The following TCP11L1 variants were observed in gnomAD, a reference collection of about 807,000 sequenced individuals.
TCP11L1 encodes the protein T-complex protein 11-like protein 1.
In TCP11L1, 28 loss-of-function variants were observed where a neutral mutation model predicts 48.9. The ratio of observed to expected loss-of-function variants is 0.57; its 90% CI spans 0.42 to 0.78. The LOEUF (loss-of-function observed/expected upper bound fraction) is 0.78, where lower values mean the gene tolerates loss of function less well. TCP11L1 is among the 30% of genes least tolerant of loss of function. The pLI, the probability that TCP11L1 is intolerant of heterozygous loss-of-function variation, is 0.00. For missense variants in TCP11L1, 505 were observed against 613.4 expected (o/e 0.82, Z 1.87); for synonymous variants, 204 against 231.9 (o/e 0.88, Z 1.09).
intron 3 of TCP11L1, among the ~76,000 whole-genome samples, chr11:33,055,871 A>G (rs748111950): frequency 2.0e-5 from 3 of 152,134 alleles, no homozygotes; most frequent in East Asian, 3.8e-4. Flanking sequence ...AAGCTGGAGT[A>G]CAGTGGCATG....
intron 2 of TCP11L1, among the ~76,000 whole-genome samples, chr11:33,051,352 A>G (rs1854154471): frequency 6.6e-6 from 1 of 151,890 alleles, no homozygotes; most frequent in African/African-American, 2.4e-5. Flanking sequence ...TATTTTTAGT[A>G]GAGATGGGGT....
chr11:33,050,004 G>A (rs1005845215), intron 2 of TCP11L1, among the ~76,000 whole-genome samples: 1 of 152,172 alleles, frequency 6.6e-6, no homozygotes, highest in Non-Finnish European at 1.5e-5. Flanking sequence ...AGTGTATTGT[G>A]TCCCTGGGTA....
At position 33,072,479 on chromosome 11, in the gene TCP11L1, C is replaced by T; in HGVS notation, c.1333C>T (p.Arg445Ter). The T allele has an allele frequency of 2.5e-6, 4 of 1,614,094 alleles. No homozygotes were observed. Among genetic ancestry groups the T allele is most frequent in the East Asian group, 2.2e-5 (1 of 44,868 alleles). Residue 445 changes from arginine (R) to a stop codon, truncating the protein, a stop_gained, in exon 10 of 10, where the codon CGA (arginine) becomes TGA (stop). Transcript: ENST00000334274. LOFTEE classifies it high-confidence loss of function. ...CACTTTCTTTTTTGTCACAGAATCT[C>T]GAATCCTGACCTTCTTAGAAACCTA... ...DDPIRRIMES[R>*]ILTFLETYLA...
intron 2 of TCP11L1, among the ~76,000 whole-genome samples, chr11:33,044,301 T>C (rs1564973307): frequency 6.7e-6 from 1 of 149,536 alleles, no homozygotes; most frequent in East Asian, 2.1e-4. Context: ...TTGTGCAGGT[T>C]AAAAAAAAAT....
At position 33,054,676 on chromosome 11, in the gene TCP11L1, G is replaced by A. The variant is rs766657151; in HGVS notation, c.247G>A (p.Val83Ile). Residue 83 changes from valine to isoleucine, a missense_variant, in exon 3 of 10, where the codon GTA becomes ATA. Val to Ile is a conservative substitution (Grantham distance 29). Transcript: ENST00000334274. ...VTNMALAHEI[V>I]VNGDFQIKPV... ...CAACATGGCTCTAGCCCATGAAATT[G>A]TAGTAAATGGAGACTTTCAGATTAA... 2.5e-6 allele frequency: 4 copies of A among 1,613,764 alleles called. No individual in the cohort carries two copies. The highest frequency in any genetic ancestry group is 1.7e-5 in the Admixed American group (1 of 59,922).
At chr11:33,066,237 G>T (rs1433684681) in intron 8 of TCP11L1, among the ~76,000 whole-genome samples, 1 of 152,214 alleles carries the variant, frequency 6.6e-6, no homozygotes, top group Admixed American at 6.5e-5. Context: ...AGAGCTCTAG[G>T]ATAGTGGCTT....
At chr11:33,043,453 C>T (rs1232423428) in intron 1 of TCP11L1, among the ~76,000 whole-genome samples, 4 of 152,184 alleles carry the variant, frequency 2.6e-5, no homozygotes, top group African/African-American at 9.7e-5. Context: ...AGTGTGTCTT[C>T]TAATAGTTTA....
At chr11:33,066,535 G>A (rs959966908) in intron 8 of TCP11L1, among the ~76,000 whole-genome samples, 4 of 152,012 alleles carry the variant, frequency 2.6e-5, no homozygotes, top group East Asian at 3.9e-4. Flanking sequence ...TGGAGATCCC[G>A]GGCTTAGAGG....
At chr11:33,071,694 G>A (rs1271389137) in intron 9 of TCP11L1, among the ~76,000 whole-genome samples, 1 of 152,174 alleles carries the variant, frequency 6.6e-6, no homozygotes, top group African/African-American at 2.4e-5. Context: ...TAGGAAAAAA[G>A]TCTTTTTTGA....
intron 2 of TCP11L1, among the ~76,000 whole-genome samples, chr11:33,052,202 G>A (rs1441294527): frequency 6.6e-6 from 1 of 152,042 alleles, no homozygotes; most frequent in Non-Finnish European, 1.5e-5. Context: ...GAGATTACCT[G>A]TATAACAAAC....
intron 2 of TCP11L1, among the ~76,000 whole-genome samples, chr11:33,050,210 A>G (rs976023004): frequency 6.6e-6 from 1 of 152,234 alleles, no homozygotes; most frequent in African/African-American, 2.4e-5. Context: ...TTCTTAGTAC[A>G]GAACAAAATG....
intron 9 of TCP11L1, among the ~76,000 whole-genome samples, 189 bp from the exon 10 acceptor site, chr11:33,072,285 A>G (rs1781651575): frequency 6.6e-6 from 1 of 152,172 alleles, no homozygotes; most frequent in South Asian, 2.1e-4. Flanking sequence ...CTAACCATCT[A>G]GAGGGGAGAG....
intron 2 of TCP11L1, among the ~76,000 whole-genome samples, chr11:33,046,391 A>G (rs1286579195): frequency 1.3e-5 from 2 of 152,282 alleles, no homozygotes; most frequent in Non-Finnish European, 2.9e-5. Context: ...ATGTCAAACC[A>G]GTACTAAGCT....
At chr11:33,051,036 C>A (rs1444400117) in intron 2 of TCP11L1, among the ~76,000 whole-genome samples, 1 of 152,142 alleles carries the variant, frequency 6.6e-6, no homozygotes. Flanking sequence ...TTCTCAAATT[C>A]CTGGCCTCAA....
intron 6 of TCP11L1, among the ~76,000 whole-genome samples, chr11:33,060,682 G>A (rs918826204): frequency 6.6e-6 from 1 of 152,160 alleles, no homozygotes; most frequent in Non-Finnish European, 1.5e-5. Context: ...GCCAGATGGG[G>A]CTTCCCTGAC....
intron 2 of TCP11L1, 157 bp downstream of exon 2, chr11:33,044,093 C>A: frequency 1.5e-6 from 1 of 650,004 alleles, no homozygotes; most frequent in South Asian, 3.2e-5. Context: ...CAGCTGGCAG[C>A]CTAGCTACTT....
chr11:33,069,088 A>G (rs963732992), intron 9 of TCP11L1, among the ~76,000 whole-genome samples: 4 of 152,100 alleles, frequency 2.6e-5, no homozygotes, highest in African/African-American at 4.8e-5. Flanking sequence ...TGGGTTCACA[A>G]GCAGTGTCCC....
At chr11:33,044,964 C>T (rs1267324033) in intron 2 of TCP11L1, among the ~76,000 whole-genome samples, 1 of 152,174 alleles carries the variant, frequency 6.6e-6, no homozygotes, top group Non-Finnish European at 1.5e-5. Flanking sequence ...TCCTATAAGG[C>T]ACTTAGAACA....
At chr11:33,068,993 A>C in intron 9 of TCP11L1, 134 bp downstream of exon 9, 1 of 1,171,870 alleles carries the variant, frequency 8.5e-7, no homozygotes. Flanking sequence ...GAAGCACCAC[A>C]GAGAGACCAG....
Sources: gnomAD v4.1 joint callset for allele counts (sites outside exome capture counted in the v4.1 genomes callset) on GRCh38, gnomAD v4.1.1 for gene constraint, MANE v1.5 for transcripts, NCBI Gene and HGNC (gene_info 2026-07-23, HGNC 2026-07-21) for gene names.